The following ANKRD11 variants were observed in gnomAD, a reference collection of about 807,000 sequenced individuals.
ANKRD11 encodes the protein ankyrin repeat domain 11.
Under a neutral mutation model 195.7 loss-of-function variants are expected in ANKRD11, and 17 were observed. The observed-to-expected ratio is 0.09, with a 90% CI of 0.06 to 0.13. ANKRD11 has a LOEUF of 0.13. Ranked by LOEUF, ANKRD11 falls within the 10% of genes least tolerant of loss-of-function variation. The pLI, the probability that ANKRD11 is intolerant of heterozygous loss-of-function variation, is 1.00. For missense variants in ANKRD11, 3,735 were observed against 3,566.1 expected, an observed-to-expected ratio of 1.05 and a Z score of -1.21; for synonymous variants, 1,953 against 1,528.1, an observed-to-expected ratio of 1.28 and a Z score of -6.49.
chr16:89,358,256 G>A (rs1205093735), intron 2 of ANKRD11, among the ~76,000 whole-genome samples: 1 of 152,346 alleles, frequency 6.6e-6, no homozygotes, highest in South Asian at 2.1e-4. Flanking sequence ...GAGCTGTGCC[G>A]GCTTGCAGAA....
At chr16:89,378,988 G>C (rs2040535212) in intron 2 of ANKRD11, among the ~76,000 whole-genome samples, 1 of 152,212 alleles carries the variant, frequency 6.6e-6, no homozygotes, top group South Asian at 2.1e-4. Flanking sequence ...CGGCACACTG[G>C]GGAGCGTCAA....
At chr16:89,346,955 GAAAGC>G (rs1403132920) in intron 2 of ANKRD11, among the ~76,000 whole-genome samples, 1 of 152,200 alleles carries the variant, frequency 6.6e-6, no homozygotes, top group Non-Finnish European at 1.5e-5. Context: ...GACACAATAG[GAAAGC>G]AACTAGACAA....
At position 89,282,585 on chromosome 16, in the gene ANKRD11, G is replaced by A; in HGVS notation, c.3957C>T (p.Ala1319=). The A allele has an allele frequency of 6.2e-7, 1 of 1,614,162 alleles. No homozygotes were observed. The highest frequency in any genetic ancestry group is 8.5e-7 in the Non-Finnish European group (1 of 1,180,020). ...GCTCCGTGAAAGAGACCTCCAGGAA[G>A]GCAGTCAGCCCCGGCTCCTGCCCTC... ...TDRGQEPGLT[A]FLEVSFTEPP... is the part of the protein sequence containing the mutation. Residue 1319 remains alanine (A), a synonymous_variant, in exon 9 of 13, where the codon GCC becomes GCT. Transcript: ENST00000301030.
intron 1 of ANKRD11, chr16:89,420,525 T>G (rs2042469584): frequency 1.3e-5 from 2 of 152,116 alleles, no homozygotes; most frequent in South Asian, 4.1e-4. Flanking sequence ...GTGAAAAACA[T>G]CAGTTAAAAG....
At chr16:89,384,881 T>TTC (rs2040838235) in intron 2 of ANKRD11, among the ~76,000 whole-genome samples, 1 of 19,758 alleles carries the variant, frequency 5.1e-5, no homozygotes, top group East Asian at 2.0e-3. Context: ...ATAGTTTTCT[T>TTC]TTTTTTTTTT....
In ANKRD11 at chr16:89,275,315, T is replaced by G. The variant is rs544061665; in HGVS notation, c.7471-124A>C. Reference sequence around the variant, plus strand: ...CTCCTAGGAGCCTGCCCTGGAGGCCTCCTCCAGTCCCAGCAACAGACACAC... The same window carrying G: ...CTCCTAGGAGCCTGCCCTGGAGGCCGCCTCCAGTCCCAGCAACAGACACAC... On this transcript the variant is annotated intron_variant, in intron 9 of 12. Transcript: ENST00000301030. 2.0e-4 allele frequency: 152 copies of G among 746,282 alleles called. 1 individual carries two copies. The East Asian group carries it at 3.9e-3, about 19-fold the overall frequency. The allele number at this position is 746,282 out of a possible 1,614,324, so 46.2% of individuals were successfully genotyped here.
intron 9 of ANKRD11, chr16:89,278,790 A>T (rs1366774244): frequency 1.6e-6 from 1 of 621,294 alleles, no homozygotes; most frequent in South Asian, 1.5e-5. Context: ...GGGGAGCCCC[A>T]CACGAGTGGG....
At position 89,317,012 on chromosome 16, in the gene ANKRD11, T is replaced by C; in HGVS notation, c.8A>G (p.Lys3Arg). The stretch of plus-strand genomic sequence containing the variant: ...CTGTGGTGCTTTAGGGCACCCACCC[T>C]TGGGCATCGTCCTGCTCCTCACCCG... MP[K>R]GGCPKAPQQE... The change falls in exon 3 of 13, where the codon AAG becomes AGG. Residue 3 changes from lysine to arginine, a missense_variant. Transcript: ENST00000301030. 1 of 1,613,420 alleles carries C rather than the reference T, an allele frequency of 6.2e-7. No individual in the cohort carries two copies. Among genetic ancestry groups the C allele is most frequent in the Non-Finnish European group, 8.5e-7 (1 of 1,179,748 alleles).
intron 1 of ANKRD11, among the ~76,000 whole-genome samples, chr16:89,481,483 G>A (rs1478652689): frequency 1.3e-5 from 2 of 152,152 alleles, no homozygotes; most frequent in African/African-American, 4.8e-5. Flanking sequence ...CTTGAGCCCA[G>A]AAGCTCAAGG....
At chr16:89,415,844 A>AAC (rs1567774175) in intron 2 of ANKRD11, among the ~76,000 whole-genome samples, 2 of 145,928 alleles carry the variant, frequency 1.4e-5, no homozygotes, top group African/African-American at 5.1e-5. Flanking sequence ...AAAAAAAAAA[A>AAC]AAAAAACAAT....
intron 1 of ANKRD11, among the ~76,000 whole-genome samples, chr16:89,472,116 A>T (rs931136189): frequency 4.6e-5 from 7 of 152,160 alleles, no homozygotes; most frequent in African/African-American, 1.7e-4. Flanking sequence ...AATTCCGACC[A>T]AGCTTTAGGG....
chr16:89,372,273 G>C (rs918592740), intron 2 of ANKRD11, among the ~76,000 whole-genome samples: 6 of 152,230 alleles, frequency 3.9e-5, no homozygotes, highest in African/African-American at 1.4e-4. Flanking sequence ...CTCTCACTGA[G>C]ATTAAGAGGG....
Position 89,280,348 on chromosome 16 carries a change from A to G in ANKRD11, c.6194T>C (p.Phe2065Ser), listed in dbSNP as rs368831797. 71 of 1,575,586 alleles carry G rather than the reference A, an allele frequency of 4.5e-5. No homozygotes were observed. Among genetic ancestry groups the G allele is most frequent in the South Asian group, 1.1e-4 (10 of 86,984 alleles). ...CGGAAGTGACTTGCAGTTGCTGAAG[A>G]AGGACTCCAGCCCGGAGGGAGGGGC... is the stretch of plus-strand genomic sequence containing the variant. ...PYAPPSGLESFFSNCKSLPEA... is the reference protein window; with the variant it reads ...PYAPPSGLESSFSNCKSLPEA... Residue 2065 changes from phenylalanine (F) to serine (S), a missense_variant, in exon 9 of 13, where the codon TTC becomes TCC. Phe to Ser is a radical substitution (Grantham distance 155). Coordinates refer to ENST00000301030, the MANE Select transcript of ANKRD11 (RefSeq NM_013275.6).
chr16:89,450,574 G>C (rs1567823025), intron 1 of ANKRD11, among the ~76,000 whole-genome samples: 1 of 152,174 alleles, frequency 6.6e-6, no homozygotes, highest in Non-Finnish European at 1.5e-5. Flanking sequence ...ACAATCCCAA[G>C]CTCTAAGCCT....
intron 1 of ANKRD11, among the ~76,000 whole-genome samples, chr16:89,435,801 C>CAA (rs1555578704): frequency 1.4e-5 from 2 of 140,194 alleles, no homozygotes; most frequent in African/African-American, 5.7e-5. Flanking sequence ...GCTCTTCACA[C>CAA]ACACACACAC....
At chr16:89,383,157 C>T (rs528770214) in intron 2 of ANKRD11, among the ~76,000 whole-genome samples, 1 of 152,322 alleles carries the variant, frequency 6.6e-6, no homozygotes, top group East Asian at 1.9e-4. Flanking sequence ...GCCAAACAGC[C>T]GCCTGTGCTG....
intron 1 of ANKRD11, among the ~76,000 whole-genome samples, chr16:89,482,013 C>G (rs2057460489): frequency 6.6e-6 from 1 of 151,936 alleles, no homozygotes; most frequent in Non-Finnish European, 1.5e-5. Flanking sequence ...TCATAAGAAC[C>G]AATATTTAAT....
chr16:89,381,331 C>CAAAAAAAAAAAA (rs10567322), intron 2 of ANKRD11, among the ~76,000 whole-genome samples: 1 of 76,354 alleles, frequency 1.3e-5, no homozygotes, highest in African/African-American at 5.7e-5. Context: ...GACTCTGCTG[C>CAAAAAAAAAAAA]AAAAAAAAAA....
chr16:89,477,993 T>C (rs2057313429), intron 1 of ANKRD11, among the ~76,000 whole-genome samples: 1 of 152,156 alleles, frequency 6.6e-6, no homozygotes, highest in Non-Finnish European at 1.5e-5. Context: ...TCAGACCTAA[T>C]ATTTGTTTCT....
Sources: gnomAD v4.1 joint callset for allele counts (sites outside exome capture counted in the v4.1 genomes callset) on GRCh38, gnomAD v4.1.1 for gene constraint, MANE v1.5 for transcripts, NCBI Gene and HGNC (gene_info 2026-07-23, HGNC 2026-07-21) for gene names.